ULK4: variants seen among roughly 807,000 people sequenced by gnomAD.
The protein encoded by ULK4 is unc-51 like kinase 4.
In ULK4, 133 loss-of-function variants were observed where a neutral mutation model predicts 160.6. The ratio of observed to expected loss-of-function variants is 0.83; its 90% CI spans 0.72 to 0.96. The LOEUF (loss-of-function observed/expected upper bound fraction) is 0.96. ULK4 is among the 40% of genes least tolerant of loss of function. ULK4 has a pLI of 0.00. For synonymous variants in ULK4, 534 were observed against 539.8 expected, an observed-to-expected ratio of 0.99 and a Z score of 0.15; for missense variants, 1,580 against 1,499.5, an observed-to-expected ratio of 1.05 and a Z score of -0.89.
At chr3:41,887,909 T>A (rs1697782945) in intron 16 of ULK4, among the ~76,000 whole-genome samples, 1 of 149,756 alleles carries the variant, frequency 6.7e-6, no homozygotes, top group African/African-American at 2.5e-5. Flanking sequence ...ACATCTGTAA[T>A]CCCCAGCACT....
At chr3:41,926,841 T>C (rs1171643667) in intron 5 of ULK4, among the ~76,000 whole-genome samples, 2 of 151,806 alleles carry the variant, frequency 1.3e-5, no homozygotes, top group African/African-American at 2.4e-5. Context: ...CCAAGAAATA[T>C]GGGACTGTCA....
At position 41,800,232 on chromosome 3, in the gene ULK4, G is replaced by T; in HGVS notation, c.1910C>A (p.Ser637Tyr). 1 of 1,613,506 alleles carries T rather than the reference G, an allele frequency of 6.2e-7. No individual in the cohort carries two copies. The highest frequency in any genetic ancestry group is 1.1e-5 in the South Asian group (1 of 91,020). ...TGTAATAAAGCCCTGGGACTGAGCA[G>T]AAAAGGTGGTACAGACATTTTCAAT... ...KIIENVCTTF[S>Y]AQSQGFITGE... is the part of the protein sequence containing the mutation. Residue 637 changes from serine (S) to tyrosine (Y), a missense_variant, in exon 20 of 37, where the codon TCT becomes TAT. Ser to Tyr is a moderately radical substitution (Grantham distance 144, BLOSUM62 -2). Coordinates refer to ENST00000301831, the MANE Select transcript of ULK4 (RefSeq NM_017886.4).
chr3:41,294,161 A>AG (rs2079625053), intron 35 of ULK4, among the ~76,000 whole-genome samples: 1 of 152,220 alleles, frequency 6.6e-6, no homozygotes, highest in Non-Finnish European at 1.5e-5. Context: ...GGTGATGTTT[A>AG]GGTCATGAGG....
intron 22 of ULK4, among the ~76,000 whole-genome samples, chr3:41,737,517 T>C (rs938138952): frequency 6.6e-5 from 10 of 151,838 alleles, no homozygotes; most frequent in African/African-American, 2.2e-4. Context: ...AAAACGACTT[T>C]CAAGTTCATA....
chr3:41,592,133 C>T (rs1250747519), intron 31 of ULK4, among the ~76,000 whole-genome samples: 1 of 152,184 alleles, frequency 6.6e-6, no homozygotes, highest in African/African-American at 2.4e-5. Flanking sequence ...ACTATGAGTG[C>T]CCAAACTGTA....
At chr3:41,586,327 GTGT>G (rs756177383) in intron 31 of ULK4, among the ~76,000 whole-genome samples, 5 of 152,112 alleles carry the variant, frequency 3.3e-5, no homozygotes, top group African/African-American at 7.2e-5. Flanking sequence ...AAAGAAGGAA[GTGT>G]TGTTATTTGC....
At chr3:41,304,657 TAA>T (rs1433784385) in intron 35 of ULK4, among the ~76,000 whole-genome samples, 2 of 152,182 alleles carry the variant, frequency 1.3e-5, no homozygotes, top group African/African-American at 4.8e-5. Flanking sequence ...ACTACTGCTA[TAA>T]GACACTCCAG....
intron 21 of ULK4, among the ~76,000 whole-genome samples, chr3:41,788,268 C>A (rs1217476279): frequency 6.6e-6 from 1 of 152,108 alleles, no homozygotes; most frequent in Non-Finnish European, 1.5e-5. Context: ...ATTATAAAAA[C>A]CAAAATTTAA....
In ULK4 at chr3:41,931,947, T is replaced by A. The variant is rs370862500; in HGVS notation, c.438A>T (p.Glu146Asp). ...KFSNFCLAKVEGENLEEFFAL... is the reference protein window; with the variant it reads ...KFSNFCLAKVDGENLEEFFAL... The stretch of plus-strand genomic sequence containing the variant: ...CAAAGAACTCTTCCAAATTTTCACC[T>A]TCCACTTTTGCCAAGCAAAAGTTGC... The change falls in exon 5 of 37, where the codon GAA (glutamate) becomes GAT (aspartate). Residue 146 changes from glutamate to aspartate, a missense_variant. Transcript: ENST00000301831. 6.2e-7 allele frequency: 1 copy of A among 1,614,004 alleles called. No individual in the cohort carries two copies. Among genetic ancestry groups the A allele is most frequent in the African/African-American group, 1.3e-5 (1 of 74,906 alleles).
intron 35 of ULK4, among the ~76,000 whole-genome samples, chr3:41,290,966 G>C (rs2079548761): frequency 6.6e-6 from 1 of 152,216 alleles, no homozygotes; most frequent in Non-Finnish European, 1.5e-5. Flanking sequence ...AGTTGCCTGG[G>C]AATTAGTAAA....
chr3:41,417,204 G>C (rs1471320089), intron 34 of ULK4, among the ~76,000 whole-genome samples: 2 of 152,160 alleles, frequency 1.3e-5, no homozygotes, highest in African/African-American at 4.8e-5. Context: ...AACTCCAGAG[G>C]CATCAGACTT....
intron 16 of ULK4, among the ~76,000 whole-genome samples, chr3:41,886,482 A>G (rs572245002): frequency 8.5e-5 from 13 of 152,336 alleles, no homozygotes; most frequent in African/African-American, 2.9e-4. Context: ...AGGATTTCCA[A>G]TGTAAATCTC....
In ULK4 at chr3:41,744,744, C is replaced by A. The variant is rs185952746; in HGVS notation, c.2321+9617G>T. On this transcript the variant is annotated intron_variant, in intron 22 of 36. Transcript: ENST00000301831. Reference sequence around the variant, plus strand: ...ATTGACATATAAAGAACATCCCCAACAAGCAGCAGAATGTACATGCTTTTC... The same window carrying A: ...ATTGACATATAAAGAACATCCCCAAAAAGCAGCAGAATGTACATGCTTTTC... 1.3e-3 allele frequency among the ~76,000 whole-genome samples: 198 copies of A among 151,980 alleles called. 1 individual carries two copies. Among genetic ancestry groups the A allele is most frequent in the Admixed American group, 2.9e-3 (44 of 15,286 alleles).
At chr3:41,824,812 G>C (rs1012112097) in intron 18 of ULK4, among the ~76,000 whole-genome samples, 1 of 152,186 alleles carries the variant, frequency 6.6e-6, no homozygotes, top group Non-Finnish European at 1.5e-5. Flanking sequence ...GCTTTGAAGA[G>C]AGTAGTGGTT....
At chr3:41,918,293 A>C (rs1699043275) in intron 7 of ULK4, among the ~76,000 whole-genome samples, 164 bp downstream of exon 7, 1 of 152,210 alleles carries the variant, frequency 6.6e-6, no homozygotes, top group African/African-American at 2.4e-5. Flanking sequence ...CATCTTTAAA[A>C]AATGGCAAAA....
intron 1 of ULK4, among the ~76,000 whole-genome samples, chr3:41,959,476 G>A (rs548016399): frequency 4.9e-4 from 75 of 151,834 alleles, no homozygotes; most frequent in African/African-American, 1.6e-3. Flanking sequence ...GCAGTGAGCC[G>A]ATTGCGCCAC....
chr3:41,836,306 G>C (rs2041755108), intron 17 of ULK4, among the ~76,000 whole-genome samples: 1 of 152,008 alleles, frequency 6.6e-6, no homozygotes, highest in African/African-American at 2.4e-5. Flanking sequence ...CCGAGTAGCT[G>C]GGATTACAAG....
At chr3:41,700,831 C>T (rs1452646150) in intron 27 of ULK4, among the ~76,000 whole-genome samples, 1 of 152,100 alleles carries the variant, frequency 6.6e-6, no homozygotes, top group East Asian at 1.9e-4. Flanking sequence ...ATAAATAAGT[C>T]ACGCACTAGA....
chr3:41,961,594 G>C (rs952803377), intron 1 of ULK4, among the ~76,000 whole-genome samples: 1 of 140,336 alleles, frequency 7.1e-6, no homozygotes, highest in African/African-American at 2.9e-5. Flanking sequence ...CTCGCGGCGG[G>C]CGAATCGGCG....
Sources: allele counts gnomAD v4.1 joint callset (sites outside exome capture counted in the v4.1 genomes callset), GRCh38; gene constraint gnomAD v4.1.1; transcripts MANE v1.5; gene names NCBI Gene and HGNC (gene_info 2026-07-23, HGNC 2026-07-21).